DOCK5: variants seen among roughly 807,000 people sequenced by gnomAD.
DOCK5 encodes the protein dedicator of cytokinesis 5, also known as dedicator of cytokinesis protein 5.
A neutral mutation model predicts 251.8 loss-of-function variants in DOCK5; 142 were observed. The observed-to-expected ratio is 0.56, with a 90% CI of 0.49 to 0.65. DOCK5 has a LOEUF of 0.65. Ranked by LOEUF, DOCK5 falls within the 30% of genes least tolerant of loss-of-function variation. The pLI, the probability that DOCK5 is intolerant of heterozygous loss-of-function variation, is 0.00. For synonymous variants in DOCK5, 842 were observed against 835.5 expected (o/e 1.01, Z -0.13); for missense variants, 2,111 against 2,312.3 (o/e 0.91, Z 1.79).
intron 1 of DOCK5, among the ~76,000 whole-genome samples, chr8:25,239,246 A>G (rs1802878929): frequency 6.6e-6 from 1 of 151,966 alleles, no homozygotes; most frequent in Non-Finnish European, 1.5e-5. Flanking sequence ...GGCTGGGACA[A>G]TTTTGGAGGT....
intron 5 of DOCK5, among the ~76,000 whole-genome samples, chr8:25,283,348 A>G (rs1804250917): frequency 6.6e-6 from 1 of 152,180 alleles, no homozygotes; most frequent in Non-Finnish European, 1.5e-5. Context: ...GAAGCTGAGT[A>G]TCCTGTGCGG....
intron 13 of DOCK5, among the ~76,000 whole-genome samples, chr8:25,312,693 G>A (rs1274830092): frequency 1.3e-5 from 2 of 151,654 alleles, no homozygotes; most frequent in African/African-American, 4.9e-5. Context: ...AACCCGGGAG[G>A]CGGTGGTTGC....
intron 2 of DOCK5, among the ~76,000 whole-genome samples, chr8:25,246,033 G>A (rs1014878003): frequency 6.6e-6 from 1 of 152,074 alleles, no homozygotes; most frequent in East Asian, 1.9e-4. Context: ...GTTTTTAGGT[G>A]CCTGCTAATT....
chr8:25,358,543 A>G (rs1800618739), intron 27 of DOCK5, among the ~76,000 whole-genome samples: 1 of 152,160 alleles, frequency 6.6e-6, no homozygotes, highest in Non-Finnish European at 1.5e-5. Context: ...CTTCATGCTC[A>G]GTGTTGCCAC....
intron 29 of DOCK5, among the ~76,000 whole-genome samples, chr8:25,363,964 G>C (rs1382471816): frequency 2.6e-5 from 4 of 152,136 alleles, no homozygotes; most frequent in African/African-American, 7.2e-5. Context: ...ATTGTTTTCA[G>C]ATTCTATGTT....
intron 1 of DOCK5, among the ~76,000 whole-genome samples, chr8:25,221,131 G>A (rs1161088110): frequency 6.6e-6 from 1 of 151,942 alleles, no homozygotes; most frequent in Non-Finnish European, 1.5e-5. Context: ...CCCCATTGTT[G>A]GGTATTTAGC....
intron 50 of DOCK5, 140 bp downstream of exon 50, chr8:25,409,080 A>G: frequency 7.8e-7 from 1 of 1,286,654 alleles, no homozygotes; most frequent in Non-Finnish European, 1.1e-6. Context: ...CGTGTATTAT[A>G]CAGTTAGACT....
At chr8:25,361,026 G>A (rs560136839) in intron 28 of DOCK5, among the ~76,000 whole-genome samples, 5 of 152,214 alleles carry the variant, frequency 3.3e-5, no homozygotes, top group South Asian at 4.1e-4. Flanking sequence ...CTGAGCTACC[G>A]TGCACAGCTA....
chr8:25,232,781 AT>A (rs1802703598), intron 1 of DOCK5, among the ~76,000 whole-genome samples: 1 of 152,064 alleles, frequency 6.6e-6, no homozygotes, highest in African/African-American at 2.4e-5. Flanking sequence ...GGAGACAAAC[AT>A]TCAGTCTGTA....
chr8:25,372,437 A>G, intron 34 of DOCK5, 122 bp from the exon 35 acceptor site: 4 of 973,308 alleles, frequency 4.1e-6, no homozygotes, highest in Non-Finnish European at 4.4e-6. Context: ...AATATCTAAC[A>G]TTGACGTTCT....
intron 1 of DOCK5, among the ~76,000 whole-genome samples, chr8:25,229,533 T>C (rs1336196743): frequency 6.6e-6 from 1 of 152,162 alleles, no homozygotes; most frequent in Non-Finnish European, 1.5e-5. Context: ...CTTTTAAAAT[T>C]AAGTCATAGA....
chr8:25,284,886 A>G (rs1256679254), intron 5 of DOCK5, among the ~76,000 whole-genome samples: 1 of 152,224 alleles, frequency 6.6e-6, no homozygotes, highest in East Asian at 1.9e-4. Context: ...AGAGTTTTCA[A>G]ATACAGGACT....
intron 5 of DOCK5, among the ~76,000 whole-genome samples, chr8:25,285,901 T>TG (rs1804319125): frequency 6.6e-6 from 1 of 152,214 alleles, no homozygotes; most frequent in Non-Finnish European, 1.5e-5. Context: ...GACTGACTGA[T>TG]GGGCACCAGA....
intron 5 of DOCK5, among the ~76,000 whole-genome samples, chr8:25,290,630 A>C (rs1208957438): frequency 2.5e-5 from 1 of 39,466 alleles, no homozygotes; most frequent in Non-Finnish European, 1.3e-4. Context: ...AGTATTTCTT[A>C]TCTCTGAAAT....
At position 25,332,032 on chromosome 8, in the gene DOCK5, A is replaced by T. The variant is rs559987211; in HGVS notation, c.1904-219A>T. On this transcript the variant is annotated intron_variant, in intron 18 of 51. Transcript: ENST00000276440. Reference sequence around the variant, plus strand: ...TTTCAGTCAGATATTCTAAGTTCTTATGCATTAATAGTTAATTTTTTTCTC... The same window carrying T: ...TTTCAGTCAGATATTCTAAGTTCTTTTGCATTAATAGTTAATTTTTTTCTC... Among the ~76,000 whole-genome samples, 7 of 152,298 alleles carry T rather than the reference A, an allele frequency of 4.6e-5. No homozygotes were observed. The East Asian group carries it at 5.8e-4, about 13-fold the overall frequency.
At chr8:25,336,437 ACT>A in intron 22 of DOCK5, 64 bp downstream of exon 22, 4 of 1,586,416 alleles carry the variant, frequency 2.5e-6, no homozygotes, top group Non-Finnish European at 3.4e-6. Context: ...TTTTTCCCTC[ACT>A]CTGCACAGTG....
intron 2 of DOCK5, among the ~76,000 whole-genome samples, chr8:25,263,170 A>C (rs114225667): frequency 0.034 from 5,129 of 151,810 alleles, 374 homozygotes; most frequent in African/African-American, 0.11. Context: ...AAGATCATTT[A>C]TCAGTTTCTT....
chr8:25,271,920 T>C (rs1803922840), intron 3 of DOCK5, among the ~76,000 whole-genome samples: 2 of 152,198 alleles, frequency 1.3e-5, no homozygotes, highest in Admixed American at 6.5e-5. Flanking sequence ...AGTGTCATCA[T>C]GGAAAGGTGA....
chr8:25,323,183 C>T (rs550459881), intron 16 of DOCK5, among the ~76,000 whole-genome samples: 61 of 152,284 alleles, frequency 4.0e-4, no homozygotes, highest in African/African-American at 1.5e-3. Context: ...TGAAGCTGCA[C>T]CCTCCTCCCA....
Sources: allele counts gnomAD v4.1 joint callset (sites outside exome capture counted in the v4.1 genomes callset), GRCh38; gene constraint gnomAD v4.1.1; transcripts MANE v1.5; gene names NCBI Gene and HGNC (gene_info 2026-07-23, HGNC 2026-07-21).